Variants in AOX1 observed in about 807,000 individuals in gnomAD.
AOX1 encodes aldehyde oxidase 1.
A neutral mutation model predicts 169.5 loss-of-function variants in AOX1; 153 were observed. The observed-to-expected ratio is 0.90, with a 90% CI of 0.79 to 1.03. The LOEUF (loss-of-function observed/expected upper bound fraction) is 1.03, where lower values mean the gene tolerates loss of function less well. AOX1 is among the 50% of genes least tolerant of loss of function. AOX1 has a pLI of 0.00. For missense variants in AOX1, 1,656 were observed against 1,663.9 expected (o/e 1.00, Z 0.08); for synonymous variants, 562 against 581.9 (o/e 0.97, Z 0.49).
At chr2:200,675,055 C>T (rs1346563605), downstream of AOX1, among the ~76,000 whole-genome samples, 1 of 152,208 alleles carries the variant, frequency 6.6e-6, no homozygotes, top group Non-Finnish European at 1.5e-5. Context: ...CTGCTGGTCA[C>T]ATCAGACGCT....
chr2:200,648,140 AT>A (rs933303760), intron 25 of AOX1, among the ~76,000 whole-genome samples: 18 of 151,782 alleles, frequency 1.2e-4, no homozygotes, highest in African/African-American at 4.4e-4. Context: ...AACTAGTGTG[AT>A]TTTTTGGGGG....
chr2:200,624,566 A>G (rs1030555377), intron 19 of AOX1, among the ~76,000 whole-genome samples: 5 of 152,214 alleles, frequency 3.3e-5, no homozygotes, highest in Admixed American at 2.0e-4. Context: ...ACCTTCACCC[A>G]GGCACATGGT....
downstream of AOX1, among the ~76,000 whole-genome samples, chr2:200,673,310 T>G (rs2036052767): frequency 6.6e-6 from 1 of 152,202 alleles, no homozygotes; most frequent in Non-Finnish European, 1.5e-5. Context: ...CATTGCCACT[T>G]GGATGTCTCA....
At chr2:200,597,282 C>G (rs992904195) in intron 3 of AOX1, 115 bp from the exon 4 acceptor site, 1 of 620,072 alleles carries the variant, frequency 1.6e-6, no homozygotes, top group Non-Finnish European at 2.7e-6. Context: ...ATGTGTAAAA[C>G]CTGGGTACAT....
chr2:200,623,944 T>C lies in AOX1; in HGVS notation c.2085T>C (p.Ile695=). 1 of 1,614,182 alleles carries C rather than the reference T, an allele frequency of 6.2e-7. No homozygotes were observed. The highest frequency in any genetic ancestry group is 1.1e-5 in the South Asian group (1 of 91,082). ...QAKRAAKRVK[I]VYQDLEPLIL... ...AGCGAGCTGCTAAGCGAGTGAAGAT[T>C]GTCTATCAAGACTTGGAGCCGCTGA... is the stretch of plus-strand genomic sequence containing the variant. The change falls in exon 19 of 35, where the codon ATT becomes ATC. Residue 695 remains isoleucine, a synonymous_variant. Coordinates refer to ENST00000374700, the MANE Select transcript of AOX1 (RefSeq NM_001159.4).
intron 3 of AOX1, 57 bp downstream of exon 3, chr2:200,595,425 T>C: frequency 7.7e-7 from 1 of 1,296,322 alleles, no homozygotes; most frequent in Non-Finnish European, 1.1e-6. Flanking sequence ...AACTTTGTTA[T>C]ATTCCTTCAT....
downstream of AOX1, among the ~76,000 whole-genome samples, chr2:200,671,893 A>G (rs1233515297): frequency 6.6e-6 from 1 of 152,234 alleles, no homozygotes. Flanking sequence ...ATAGTATCCC[A>G]GAAGTGGAAA....
intron 33 of AOX1, 24 bp from the exon 34 acceptor site, chr2:200,669,551 C>G (rs756738200): frequency 3.0e-5 from 48 of 1,612,670 alleles, no homozygotes; most frequent in Non-Finnish European, 3.9e-5. Flanking sequence ...GAGGTATAAT[C>G]TAGTTGGCAT....
In AOX1 at chr2:200,659,996, A is replaced by T; in HGVS notation, c.3302A>T (p.Asp1101Val). 1 of 1,611,134 alleles carries T rather than the reference A, an allele frequency of 6.2e-7. No homozygotes were observed. The highest frequency in any genetic ancestry group is 8.5e-7 in the Non-Finnish European group (1 of 1,178,092). The change falls in exon 29 of 35, where the codon GAT (aspartate) becomes GTT (valine). Residue 1101 changes from aspartate to valine, a missense_variant and splice_region_variant. Transcript: ENST00000374700. The stretch of plus-strand genomic sequence containing the variant: ...TTTTAATTTAAAAATAATCTCTAGG[A>T]TGCCTGTCAAACTCTTCTAAAACGC... ...VADLNGLAVK[D>V]ACQTLLKRLE...
intron 25 of AOX1, among the ~76,000 whole-genome samples, chr2:200,643,615 T>A (rs1055118497): frequency 6.6e-6 from 1 of 152,144 alleles, no homozygotes; most frequent in Non-Finnish European, 1.5e-5. Context: ...CTACTTTTAG[T>A]TCTTTAAGGA....
chr2:200,642,684 C>T lies in AOX1; in HGVS notation c.2730C>T (p.Cys910=), dbSNP rs1179107364. 6.2e-7 allele frequency: 1 copy of T among 1,614,084 alleles called. No homozygotes were observed. The highest frequency in any genetic ancestry group is 1.1e-5 in the South Asian group (1 of 91,072). Residue 910 remains cysteine (C), a synonymous_variant, in exon 25 of 35, where the codon TGC becomes TGT. Coordinates refer to ENST00000374700, the MANE Select transcript of AOX1 (RefSeq NM_001159.4). ...FPNLRCRGWA[C]RTNLPSNTAF... The stretch of plus-strand genomic sequence containing the variant: ...ATCTCCGCTGCCGGGGTTGGGCATG[C>T]AGAACCAACCTTCCATCCAACACAG...
At chr2:200,657,190 A>ATATATAGATATTTTTT in intron 27 of AOX1, among the ~76,000 whole-genome samples, 1 of 62,916 alleles carries the variant, frequency 1.6e-5, no homozygotes, top group African/African-American at 7.9e-5. Flanking sequence ...ATATATATAT[A>ATATATAGATATTTTTT]TTTTTTTTTT....
At position 200,634,791 on chromosome 2, in the gene AOX1, G is replaced by A. The variant is rs767931423; in HGVS notation, c.2222G>A (p.Gly741Asp). Residue 741 changes from glycine (G) to aspartate (D), a missense_variant and splice_region_variant, in exon 21 of 35, where the codon GGT becomes GAT. Gly to Asp is a moderately conservative substitution (Grantham distance 94). Coordinates refer to ENST00000374700, the MANE Select transcript of AOX1 (RefSeq NM_001159.4). ...ACTTTTATGTATTTTCCTGTAACAG[G>A]TGAAATACATATGGGAGGTCAAGAA... is the stretch of plus-strand genomic sequence containing the variant. ...AFKVVDQILE[G>D]EIHMGGQEHF... is the part of the protein sequence containing the mutation. 128 of 1,613,858 alleles carry A rather than the reference G, an allele frequency of 7.9e-5. 3 individuals are homozygous for A. The South Asian group carries it at 1.3e-3, about 16-fold the overall frequency.
chr2:200,664,954 G>T (rs2105774048), intron 31 of AOX1, among the ~76,000 whole-genome samples: 1 of 152,240 alleles, frequency 6.6e-6, no homozygotes, highest in East Asian at 1.9e-4. Flanking sequence ...CTGTGGCTGG[G>T]GCAACAGTCA....
At chr2:200,681,926 GTTTTT>G (rs142793319), downstream of AOX1, among the ~76,000 whole-genome samples, 1 of 145,988 alleles carries the variant, frequency 6.8e-6, no homozygotes, top group Non-Finnish European at 1.5e-5. Flanking sequence ...ACCTTTTGGG[GTTTTT>G]TTTTTTATTA....
chr2:200,675,188 T>C (rs1003854340), downstream of AOX1, among the ~76,000 whole-genome samples: 1 of 152,200 alleles, frequency 6.6e-6, no homozygotes, highest in African/African-American at 2.4e-5. Context: ...ATGAGCACTC[T>C]GTATGATGTT....
At chr2:200,647,175 A>G (rs1208180163) in intron 25 of AOX1, among the ~76,000 whole-genome samples, 1 of 152,046 alleles carries the variant, frequency 6.6e-6, no homozygotes, top group Non-Finnish European at 1.5e-5. Flanking sequence ...TTTATGTTTT[A>G]TAGGTCCTAT....
At position 200,651,722 on chromosome 2, in the gene AOX1, C is replaced by A. The variant is rs552931287; in HGVS notation, c.3075+521C>A. On this transcript the variant is annotated intron_variant, in intron 26 of 34. Coordinates refer to ENST00000374700, the MANE Select transcript of AOX1 (RefSeq NM_001159.4). ...ATTTTTGAAGTTTATTCACCTTGTA[C>A]CTTTTAAAACTGTGAAAGGGGGGAC... Among the ~76,000 whole-genome samples, 128 of 152,214 alleles carry A rather than the reference C, an allele frequency of 8.4e-4. 4 individuals are homozygous for A. In the South Asian group the frequency reaches 0.026, roughly 31 times the overall value.
intron 23 of AOX1, among the ~76,000 whole-genome samples, chr2:200,639,898 A>G (rs186157850): frequency 1.7e-4 from 26 of 152,036 alleles, no homozygotes; most frequent in African/African-American, 6.3e-4. Flanking sequence ...TTAGCCGGGC[A>G]TGGTGGCAGG....
Sources: allele counts gnomAD v4.1 joint callset (sites outside exome capture counted in the v4.1 genomes callset), GRCh38; gene constraint gnomAD v4.1.1; transcripts MANE v1.5; gene names NCBI Gene and HGNC (gene_info 2026-07-23, HGNC 2026-07-21).